The following C1orf146 variants were observed in gnomAD, a reference collection of about 807,000 sequenced individuals.
C1orf146 encodes protein SPO16 homolog.
Under a neutral mutation model 23.0 loss-of-function variants are expected in C1orf146, and 22 were observed. The observed-to-expected ratio is 0.96, with a 90% CI of 0.68 to 1.36. The LOEUF (loss-of-function observed/expected upper bound fraction) is 1.36. Ranked by LOEUF, C1orf146 falls within the 40% of genes most tolerant of loss-of-function variation. The probability of loss-of-function intolerance (pLI) is 0.00; values close to 1 mark genes in which losing one functional copy is unlikely to be tolerated. For missense variants in C1orf146, 199 were observed against 206.8 expected (o/e 0.96, Z 0.23); for synonymous variants, 59 against 65.3 (o/e 0.90, Z 0.47).
intron 1 of C1orf146, among the ~76,000 whole-genome samples, chr1:92,224,515 A>G (rs973885787): frequency 1.3e-5 from 2 of 152,172 alleles, no homozygotes; most frequent in African/African-American, 4.8e-5. Flanking sequence ...ATGTAGGCCT[A>G]TGATTCATTC....
In C1orf146 at chr1:92,239,487, A is replaced by G. The variant is rs542325533; in HGVS notation, c.67-2725A>G. ...AATTTCCAGCTAGGTGCAGTGGCTC[A>G]TGCCTATAATCCCAGCACTTTGGGA... is the stretch of plus-strand genomic sequence containing the variant. On this transcript the variant is annotated intron_variant, in intron 2 of 5. Transcript: ENST00000370375. Among the ~76,000 whole-genome samples the G allele has an allele frequency of 3.3e-5, 5 of 152,286 alleles. No individual in the cohort carries two copies. The East Asian group carries it at 9.7e-4, about 29-fold the overall frequency.
At chr1:92,228,556 A>T (rs1473374502) in intron 1 of C1orf146, among the ~76,000 whole-genome samples, 1 of 152,130 alleles carries the variant, frequency 6.6e-6, no homozygotes, top group African/African-American at 2.4e-5. Context: ...GACTCTCCAG[A>T]TTGTCTGATT....
chr1:92,218,223 G>C (rs1651725393), intron 1 of C1orf146, among the ~76,000 whole-genome samples, 175 bp downstream of exon 1: 1 of 152,184 alleles, frequency 6.6e-6, no homozygotes, highest in Non-Finnish European at 1.5e-5. Flanking sequence ...TTGAGAATCG[G>C]TGTGGAAAGG....
rs1263963901 is a variant in C1orf146 at position 92,231,417 on chromosome 1, A to G, written c.-4A>G. The G allele has an allele frequency of 6.2e-7, 1 of 1,606,530 alleles. No homozygotes were observed. The highest frequency in any genetic ancestry group is 1.7e-5 in the Admixed American group (1 of 58,990). On this transcript the variant is annotated 5_prime_UTR_variant, in exon 2 of 6. Transcript: ENST00000370375. The stretch of plus-strand genomic sequence containing the variant: ...CATTAGAAGCTAGGTTGATCCACAG[A>G]CAGATGGCTGAAAGTGGAAAAGAAA...
At chr1:92,226,186 C>T (rs960719794) in intron 1 of C1orf146, among the ~76,000 whole-genome samples, 1 of 152,114 alleles carries the variant, frequency 6.6e-6, no homozygotes, top group Non-Finnish European at 1.5e-5. Flanking sequence ...TTCTTTACTA[C>T]CTCTTTCGTG....
intron 2 of C1orf146, among the ~76,000 whole-genome samples, chr1:92,240,226 C>G (rs1466356487): frequency 6.6e-6 from 1 of 152,248 alleles, no homozygotes; most frequent in African/African-American, 2.4e-5. Flanking sequence ...TTCAGCCTCT[C>G]TTCTGCCTCT....
chr1:92,240,636 A>G (rs1452057296), intron 2 of C1orf146: 1 of 156,766 alleles, frequency 6.4e-6, no homozygotes, highest in Non-Finnish European at 1.4e-5. Context: ...TACCTAAGAG[A>G]TTTTTATCTA....
At chr1:92,219,496 CTTTTTTTTTT>C (rs71091269) in intron 1 of C1orf146, among the ~76,000 whole-genome samples, 10 of 81,178 alleles carry the variant, frequency 1.2e-4, no homozygotes, top group South Asian at 5.5e-4. Flanking sequence ...CTTTCTCTTT[CTTTTTTTTTT>C]TTTTTTTTTT....
At chr1:92,240,763 A>G (rs1652415011) in intron 2 of C1orf146, 1 of 233,688 alleles carries the variant, frequency 4.3e-6, no homozygotes, top group Admixed American at 5.5e-5. Context: ...GGCTGAAGTG[A>G]TTCTCTCACC....
At chr1:92,224,954 G>A (rs1167817328) in intron 1 of C1orf146, among the ~76,000 whole-genome samples, 1 of 151,968 alleles carries the variant, frequency 6.6e-6, no homozygotes, top group African/African-American at 2.4e-5. Context: ...TGTTGGCTAG[G>A]TTGGTCTCCA....
chr1:92,234,161 G>A (rs1652211030), intron 2 of C1orf146, among the ~76,000 whole-genome samples: 1 of 152,176 alleles, frequency 6.6e-6, no homozygotes, highest in Non-Finnish European at 1.5e-5. Context: ...AATAGGAGTG[G>A]TGAGAGAGGG....
At chr1:92,224,736 T>G (rs1267055193) in intron 1 of C1orf146, among the ~76,000 whole-genome samples, 2 of 152,210 alleles carry the variant, frequency 1.3e-5, no homozygotes, top group Non-Finnish European at 2.9e-5. Context: ...TTTTTTCCCA[T>G]TGCTTTGGGT....
chr1:92,222,598 T>C (rs1651856244), intron 1 of C1orf146, among the ~76,000 whole-genome samples: 3 of 149,652 alleles, frequency 2.0e-5, no homozygotes, highest in Admixed American at 1.3e-4. Context: ...TTTCTTTTTT[T>C]TTTTTTGAGA....
intron 1 of C1orf146, among the ~76,000 whole-genome samples, chr1:92,222,189 C>G (rs1328625342): frequency 6.6e-6 from 1 of 152,104 alleles, no homozygotes; most frequent in East Asian, 1.9e-4. Context: ...TGCTGTGAGC[C>G]AAGATCATGC....
At chr1:92,235,207 G>A (rs1471655589) in intron 2 of C1orf146, among the ~76,000 whole-genome samples, 1 of 151,854 alleles carries the variant, frequency 6.6e-6, no homozygotes, top group African/African-American at 2.4e-5. Flanking sequence ...ATGTTAGGGT[G>A]TCAGTTTTGG....
Position 92,231,415 on chromosome 1 carries a change from A to G in C1orf146, c.-6A>G, listed in dbSNP as rs772048737. 9.3e-6 allele frequency: 15 copies of G among 1,605,396 alleles called. No individual in the cohort carries two copies. The South Asian group carries it at 1.7e-4, about 18-fold the overall frequency. On this transcript the variant is annotated 5_prime_UTR_variant, in exon 2 of 6. Transcript: ENST00000370375. ...ACCATTAGAAGCTAGGTTGATCCACAGACAGATGGCTGAAAGTGGAAAAGA... is the reference window on the plus strand; with the variant it reads ...ACCATTAGAAGCTAGGTTGATCCACGGACAGATGGCTGAAAGTGGAAAAGA...
chr1:92,228,714 A>G (rs1652030320), intron 1 of C1orf146, among the ~76,000 whole-genome samples: 1 of 152,190 alleles, frequency 6.6e-6, no homozygotes, highest in Admixed American at 6.5e-5. Context: ...TTCCGCAAGC[A>G]TGTTCTTACC....
At chr1:92,229,416 A>T in intron 1 of C1orf146, 1 of 530,836 alleles carries the variant, frequency 1.9e-6, no homozygotes. Context: ...GCCGTCGGGC[A>T]GCTTGTAGCT....
At chr1:92,218,135 C>G (rs1651722158) in intron 1 of C1orf146, 87 bp downstream of exon 1, 1 of 152,262 alleles carries the variant, frequency 6.6e-6, no homozygotes, top group Admixed American at 6.5e-5. Context: ...GTAGTGCTCT[C>G]TGACTTGCCG....
Sources: allele counts gnomAD v4.1 joint callset (sites outside exome capture counted in the v4.1 genomes callset), GRCh38; gene constraint gnomAD v4.1.1; transcripts MANE v1.5; gene names NCBI Gene and HGNC (gene_info 2026-07-23, HGNC 2026-07-21).